Variants in CLSTN2 observed in about 807,000 individuals in gnomAD.
CLSTN2 encodes calsyntenin-2.
CLSTN2 carries 48 observed loss-of-function variants against 101.2 expected under a neutral mutation model. The ratio of observed to expected loss-of-function variants is 0.47; its 90% CI spans 0.38 to 0.60. The LOEUF is 0.60. Ranked by LOEUF, CLSTN2 falls within the 20% of genes least tolerant of loss-of-function variation. The probability of loss-of-function intolerance (pLI) is 0.00; values close to 1 mark genes in which losing one functional copy is unlikely to be tolerated. For synonymous variants in CLSTN2, 481 were observed against 463.6 expected (o/e 1.04, Z -0.48); for missense variants, 1,160 against 1,238.2 (o/e 0.94, Z 0.95).
At chr3:140,332,883 G>T (rs908152112) in intron 2 of CLSTN2, among the ~76,000 whole-genome samples, 5 of 152,130 alleles carry the variant, frequency 3.3e-5, no homozygotes, top group African/African-American at 1.2e-4. Context: ...AATTAAAGAA[G>T]GCTCAGCTGA....
intron 1 of CLSTN2, among the ~76,000 whole-genome samples, chr3:140,108,872 T>C (rs1332906417): frequency 6.6e-6 from 1 of 152,206 alleles, no homozygotes. Context: ...GCATTTGTTG[T>C]ACTCCTGCTA....
At chr3:140,128,826 A>G (rs915164347) in intron 1 of CLSTN2, among the ~76,000 whole-genome samples, 9 of 152,232 alleles carry the variant, frequency 5.9e-5, no homozygotes, top group African/African-American at 2.2e-4. Flanking sequence ...CTGGATGAAG[A>G]AGGGAAGGTG....
intron 2 of CLSTN2, among the ~76,000 whole-genome samples, chr3:140,288,271 A>G (rs1445478227): frequency 6.6e-6 from 1 of 152,184 alleles, no homozygotes; most frequent in African/African-American, 2.4e-5. Context: ...GTGGGAAGAA[A>G]AGTGGAAGGA....
rs564058215 is a variant in CLSTN2, at chr3:140,481,557, A to G, written c.1344+14826A>G. Reference sequence around the variant, plus strand: ...CTTGGGCAGTATGGCCATTTTCACGATATTGATTCTTCCTACCCATGAGCA... The same window carrying G: ...CTTGGGCAGTATGGCCATTTTCACGGTATTGATTCTTCCTACCCATGAGCA... On this transcript the variant is annotated intron_variant, in intron 8 of 16. Transcript: ENST00000458420. Among the ~76,000 whole-genome samples, 1,286 of 152,178 alleles carry G rather than the reference A, an allele frequency of 8.5e-3. 11 individuals are homozygous for G. The highest frequency in any genetic ancestry group is 0.028 in the African/African-American group (1,179 of 41,494).
At chr3:140,275,274 G>A (rs937696003) in intron 2 of CLSTN2, among the ~76,000 whole-genome samples, 1 of 39,586 alleles carries the variant, frequency 2.5e-5, no homozygotes, top group Non-Finnish European at 7.3e-5. Context: ...CCCCTTGGGA[G>A]GAGTTTTTTT....
chr3:140,140,390 G>A (rs1195631137), intron 1 of CLSTN2, among the ~76,000 whole-genome samples: 1 of 152,050 alleles, frequency 6.6e-6, no homozygotes, highest in Non-Finnish European at 1.5e-5. Flanking sequence ...AGAGCAGGTG[G>A]CATCACATGA....
intron 1 of CLSTN2, among the ~76,000 whole-genome samples, chr3:140,079,317 C>T (rs535013405): frequency 1.1e-4 from 16 of 152,240 alleles, no homozygotes; most frequent in South Asian, 8.3e-4. Context: ...TGTTGATTAA[C>T]GATATTCATA....
At position 140,384,601 on chromosome 3, in the gene CLSTN2, C is replaced by T. The variant is rs541446398; in HGVS notation, c.233-19028C>T. ...AAAGTCCCTTCATTTTCCACTCACTCGGATGAGAATGAATGCTGGAGTCAC... is the reference window on the plus strand; with the variant it reads ...AAAGTCCCTTCATTTTCCACTCACTTGGATGAGAATGAATGCTGGAGTCAC... On this transcript the variant is annotated intron_variant, in intron 2 of 16. Coordinates refer to ENST00000458420, the MANE Select transcript of CLSTN2 (RefSeq NM_022131.3). Among the ~76,000 whole-genome samples, 5 of 152,260 alleles carry T rather than the reference C, an allele frequency of 3.3e-5. 1 individual carries two copies. The highest frequency in any genetic ancestry group is 4.8e-5 in the African/African-American group (2 of 41,548).
intron 1 of CLSTN2, among the ~76,000 whole-genome samples, chr3:139,970,389 C>T (rs1194265080): frequency 2.0e-5 from 3 of 152,156 alleles, no homozygotes; most frequent in Non-Finnish European, 4.4e-5. Context: ...TTTGTAATCT[C>T]CACAGTACTT....
In CLSTN2 at chr3:140,135,087, AACACACACACACACAC is replaced by A. The variant is rs780837347; in HGVS notation, c.110-40848_110-40833del. On this transcript the variant is annotated intron_variant, in intron 1 of 16. Coordinates refer to ENST00000458420, the MANE Select transcript of CLSTN2 (RefSeq NM_022131.3). The stretch of plus-strand genomic sequence containing the variant: ...AGTCCAGGGTGATGCCTCTCAAAAA[AACACACACACACACAC>A]ACACACACACACACATATATATATA... Among the ~76,000 whole-genome samples the A allele has an allele frequency of 8.4e-4, 43 of 51,422 alleles. 1 individual carries two copies. Among genetic ancestry groups the A allele is most frequent in the African/African-American group, 2.1e-3 (40 of 18,628 alleles). The allele number at this position is 51,422 out of a possible 152,430, so 33.7% of individuals were successfully genotyped here. A position where few individuals can be genotyped will look rare whatever the true frequency, so the allele number is the denominator to read the frequency against.
At chr3:140,440,713 T>G (rs1031684976) in intron 5 of CLSTN2, among the ~76,000 whole-genome samples, 3 of 152,194 alleles carry the variant, frequency 2.0e-5, no homozygotes, top group African/African-American at 7.2e-5. Flanking sequence ...CACACCCAGG[T>G]CTGACTCCAA....
intron 1 of CLSTN2, among the ~76,000 whole-genome samples, chr3:139,964,321 G>A (rs2107815867): frequency 6.6e-6 from 1 of 152,292 alleles, no homozygotes; most frequent in Middle Eastern, 3.4e-3. Context: ...ATGGGCTAGA[G>A]GAATGTAGGA....
At chr3:140,031,063 G>T (rs754521392) in intron 1 of CLSTN2, among the ~76,000 whole-genome samples, 2 of 152,136 alleles carry the variant, frequency 1.3e-5, no homozygotes, top group African/African-American at 4.8e-5. Flanking sequence ...ATGGCCAAAG[G>T]CTAGGATGCC....
intron 4 of CLSTN2, among the ~76,000 whole-genome samples, chr3:140,417,299 T>C (rs2088443193): frequency 6.6e-6 from 1 of 152,194 alleles, no homozygotes; most frequent in Admixed American, 6.5e-5. Context: ...TCTTCCCTTA[T>C]AGTGTCAGGC....
intron 1 of CLSTN2, among the ~76,000 whole-genome samples, chr3:139,950,546 G>A (rs1338617482): frequency 6.6e-6 from 1 of 152,124 alleles, no homozygotes; most frequent in African/African-American, 2.4e-5. Context: ...GACCAAACAG[G>A]ATTTTACTAA....
chr3:140,252,117 A>G (rs1199493066), intron 2 of CLSTN2, among the ~76,000 whole-genome samples: 1 of 152,182 alleles, frequency 6.6e-6, no homozygotes, highest in Non-Finnish European at 1.5e-5. Flanking sequence ...AAATGTTTGG[A>G]AACAAAAGTG....
chr3:140,006,175 TATG>T (rs1239135862), intron 1 of CLSTN2, among the ~76,000 whole-genome samples: 2 of 152,246 alleles, frequency 1.3e-5, no homozygotes, highest in African/African-American at 2.4e-5. Context: ...TTAATAAGAA[TATG>T]ATATTTATGA....
intron 2 of CLSTN2, among the ~76,000 whole-genome samples, chr3:140,177,204 C>G (rs1010589299): frequency 6.6e-6 from 1 of 152,114 alleles, no homozygotes; most frequent in African/African-American, 2.4e-5. Context: ...CTGTGACTTC[C>G]GTGATGTTTA....
chr3:140,011,689 G>A (rs534732068), intron 1 of CLSTN2, among the ~76,000 whole-genome samples: 78 of 152,238 alleles, frequency 5.1e-4, no homozygotes, highest in South Asian at 1.9e-3. Flanking sequence ...CCTAACATAA[G>A]CCTGGTTCTT....
Sources: gnomAD v4.1 joint callset for allele counts (sites outside exome capture counted in the v4.1 genomes callset) on GRCh38, gnomAD v4.1.1 for gene constraint, MANE v1.5 for transcripts, NCBI Gene and HGNC (gene_info 2026-07-23, HGNC 2026-07-21) for gene names.